The following NRXN3 variants were observed in gnomAD, a reference collection of about 807,000 sequenced individuals.
NRXN3 encodes neurexin III.
In NRXN3, 32 loss-of-function variants were observed where a neutral mutation model predicts 137.6. The observed-to-expected ratio is 0.23, with a 90% CI of 0.18 to 0.31. NRXN3 has a LOEUF of 0.31. Ranked by LOEUF, NRXN3 falls within the 10% of genes least tolerant of loss-of-function variation. NRXN3 has a pLI of 1.00. For synonymous variants in NRXN3, 798 were observed against 784.5 expected (o/e 1.02, Z -0.29); for missense variants, 1,574 against 2,062.5 (o/e 0.76, Z 4.59).
In NRXN3 at chr14:79,623,947, C is replaced by T. The variant is rs558628750; in HGVS notation, c.3445-39831C>T. ...TTGTTAATCATTCTTCTTCCACTAC[C>T]GTTGTCTTTTCCCATCCTCTTGGAA... On this transcript the variant is annotated intron_variant, in intron 16 of 20. Coordinates refer to ENST00000335750, the MANE Select transcript of NRXN3 (RefSeq NM_001330195.2). 1.8e-3 allele frequency among the ~76,000 whole-genome samples: 268 copies of T among 150,086 alleles called. 1 individual carries two copies. The highest frequency in any genetic ancestry group is 2.9e-3 in the Admixed American group (44 of 15,058).
At chr14:79,169,471 CA>C (rs112442450) in intron 15 of NRXN3, among the ~76,000 whole-genome samples, 174 of 151,912 alleles carry the variant, frequency 1.1e-3, no homozygotes, top group African/African-American at 3.8e-3. Flanking sequence ...ACTCCAATGA[CA>C]AAAAAAATCC....
At chr14:78,339,450 A>G (rs1335285173) in intron 4 of NRXN3, among the ~76,000 whole-genome samples, 5 of 152,108 alleles carry the variant, frequency 3.3e-5, no homozygotes, top group Non-Finnish European at 5.9e-5. Context: ...TATAGCATTG[A>G]CTGTGTCTGG....
intron 16 of NRXN3, among the ~76,000 whole-genome samples, chr14:79,579,262 T>C (rs1254543858): frequency 6.6e-6 from 1 of 150,764 alleles, no homozygotes; most frequent in Non-Finnish European, 1.5e-5. Context: ...TTCTTTCTTT[T>C]GTCATTACAA....
chr14:78,572,413 C>T (rs1382675065), intron 4 of NRXN3, among the ~76,000 whole-genome samples: 2 of 152,174 alleles, frequency 1.3e-5, no homozygotes, highest in East Asian at 1.9e-4. Context: ...GTCGAGATGC[C>T]AGGGCCCTCT....
At chr14:79,029,244 A>G (rs536741639) in intron 15 of NRXN3, among the ~76,000 whole-genome samples, 3 of 152,274 alleles carry the variant, frequency 2.0e-5, no homozygotes, top group Admixed American at 6.5e-5. Context: ...CAGGGTATCA[A>G]AAGAAGTCTC....
At chr14:79,496,237 T>TCTCA (rs1480881457) in intron 16 of NRXN3, among the ~76,000 whole-genome samples, 1 of 144,894 alleles carries the variant, frequency 6.9e-6, no homozygotes, top group Non-Finnish European at 1.5e-5. Context: ...TCTCTCTCTC[T>TCTCA]CACACACACA....
At chr14:79,104,934 C>G (rs998295014) in intron 15 of NRXN3, among the ~76,000 whole-genome samples, 1 of 151,754 alleles carries the variant, frequency 6.6e-6, no homozygotes, top group Non-Finnish European at 1.5e-5. Flanking sequence ...TTTATTTTGC[C>G]AACACTCATT....
intron 15 of NRXN3, among the ~76,000 whole-genome samples, chr14:79,444,148 G>T (rs1315069463): frequency 6.6e-6 from 1 of 152,176 alleles, no homozygotes; most frequent in East Asian, 1.9e-4. Context: ...CAGAGCAAAA[G>T]AAAGAATAGG....
chr14:79,403,997 A>C (rs1434676122), intron 15 of NRXN3, among the ~76,000 whole-genome samples: 1 of 152,244 alleles, frequency 6.6e-6, no homozygotes, highest in Non-Finnish European at 1.5e-5. Context: ...GTGCTGCTAA[A>C]GAATAGGAAG....
intron 4 of NRXN3, among the ~76,000 whole-genome samples, chr14:78,341,344 G>T (rs941238611): frequency 6.6e-6 from 1 of 152,118 alleles, no homozygotes; most frequent in Non-Finnish European, 1.5e-5. Flanking sequence ...TTTCTAACAA[G>T]CTCCCAGGTG....
intron 16 of NRXN3, among the ~76,000 whole-genome samples, chr14:79,627,040 T>TA (rs919048069): frequency 4.4e-4 from 67 of 152,000 alleles, no homozygotes; most frequent in Admixed American, 1.3e-3. Flanking sequence ...TATGACAGGT[T>TA]AAAAAAAAGA....
chr14:79,167,037 G>T (rs1255856710), intron 15 of NRXN3, among the ~76,000 whole-genome samples: 2 of 151,908 alleles, frequency 1.3e-5, no homozygotes, highest in Non-Finnish European at 2.9e-5. Context: ...ATACTAAGAA[G>T]TTTGATGCTG....
intron 15 of NRXN3, among the ~76,000 whole-genome samples, chr14:79,150,220 T>C (rs1423179823): frequency 2.0e-5 from 3 of 152,018 alleles, no homozygotes; most frequent in Admixed American, 2.0e-4. Flanking sequence ...TACTGATCCC[T>C]ATTGCCAGAT....
chr14:78,397,747 G>A (rs753023884), intron 4 of NRXN3, among the ~76,000 whole-genome samples: 2 of 151,670 alleles, frequency 1.3e-5, no homozygotes, highest in Non-Finnish European at 2.9e-5. Context: ...GGAATTACAG[G>A]CACATGCCAC....
Position 78,298,643 on chromosome 14 carries a change from G to C in NRXN3, c.757+783G>C, listed in dbSNP as rs141885545. On this transcript the variant is annotated intron_variant, in intron 4 of 20. Transcript: ENST00000335750. Reference sequence around the variant, plus strand: ...AATCAGGAGTTGAGAGCTGAGCCTAGTTAAAATTGTCTTTTCCTTCACAGT... The same window carrying C: ...AATCAGGAGTTGAGAGCTGAGCCTACTTAAAATTGTCTTTTCCTTCACAGT... Among the ~76,000 whole-genome samples, 414 of 152,294 alleles carry C rather than the reference G, an allele frequency of 2.7e-3. 4 individuals are homozygous for C. The highest frequency in any genetic ancestry group is 9.1e-3 in the African/African-American group (379 of 41,574).
chr14:79,606,345 T>C (rs533784882), intron 16 of NRXN3, among the ~76,000 whole-genome samples: 1 of 152,362 alleles, frequency 6.6e-6, no homozygotes, highest in African/African-American at 2.4e-5. Context: ...TTTAGAGTAA[T>C]TTCTAGTTAG....
At chr14:78,282,744 T>C (rs898948002) in intron 3 of NRXN3, among the ~76,000 whole-genome samples, 14 of 152,142 alleles carry the variant, frequency 9.2e-5, no homozygotes, top group African/African-American at 3.1e-4. Context: ...AGGCTGTCCT[T>C]GGGGAGGGGA....
intron 16 of NRXN3, among the ~76,000 whole-genome samples, chr14:79,627,319 A>C (rs2153923349): frequency 6.6e-6 from 1 of 152,264 alleles, no homozygotes; most frequent in Middle Eastern, 3.4e-3. Context: ...CATGGACTGA[A>C]ACTTTACCAT....
rs367999656 is a variant in NRXN3 at position 78,422,600 on chromosome 14, G to A, written c.757+124740G>A. On this transcript the variant is annotated intron_variant, in intron 4 of 20. Transcript: ENST00000335750. ...GTGCTTCAACATACCAGAGAGCTAA[G>A]GCTTTGCACTGTAATATGGGTTAAT... 6.6e-5 allele frequency among the ~76,000 whole-genome samples: 10 copies of A among 151,904 alleles called. No homozygotes were observed. The East Asian group carries it at 1.4e-3, about 21-fold the overall frequency.
Sources: gnomAD v4.1 joint callset for allele counts (sites outside exome capture counted in the v4.1 genomes callset) on GRCh38, gnomAD v4.1.1 for gene constraint, MANE v1.5 for transcripts, NCBI Gene and HGNC (gene_info 2026-07-23, HGNC 2026-07-21) for gene names.